SAMD13: variants seen among roughly 807,000 people sequenced by gnomAD.
SAMD13 encodes sterile alpha motif domain-containing protein 13.
In SAMD13, 9 loss-of-function variants were observed where a neutral mutation model predicts 12.4. The observed-to-expected ratio is 0.72, with a 90% CI of 0.44 to 1.26. The LOEUF is 1.26. Ranked by LOEUF, SAMD13 falls within the 50% of genes most tolerant of loss-of-function variation. SAMD13 has a pLI of 0.00. For missense variants in SAMD13, 84 were observed against 119.6 expected (o/e 0.70, Z 1.39); for synonymous variants, 46 against 45.4 (o/e 1.01, Z -0.05).
At chr1:84,299,566 C>T, upstream of SAMD13, 1 of 1,482,996 alleles carries the variant, frequency 6.7e-7, no homozygotes, top group South Asian at 1.4e-5. Context: ...ATCACACTCA[C>T]ATACTTTATG....
chr1:84,347,697 C>A (rs1051491400), intron 3 of SAMD13, among the ~76,000 whole-genome samples: 1 of 152,118 alleles, frequency 6.6e-6, no homozygotes, highest in Non-Finnish European at 1.5e-5. Context: ...CAAGACACAG[C>A]GTGAGCTTTA....
intron 3 of SAMD13, among the ~76,000 whole-genome samples, chr1:84,335,249 A>G (rs1354734894): frequency 2.0e-5 from 3 of 152,194 alleles, no homozygotes; most frequent in African/African-American, 7.2e-5. Context: ...ATATATACTT[A>G]GGATAGTTAC....
chr1:84,322,348 T>G (rs1406853785), intron 2 of SAMD13, among the ~76,000 whole-genome samples: 3 of 152,186 alleles, frequency 2.0e-5, no homozygotes, highest in Admixed American at 6.5e-5. Context: ...AATCCAATCC[T>G]AGCTTTATCT....
At chr1:84,337,009 C>G (rs1679310972) in intron 3 of SAMD13, among the ~76,000 whole-genome samples, 1 of 152,222 alleles carries the variant, frequency 6.6e-6, no homozygotes, top group Non-Finnish European at 1.5e-5. Context: ...GACTCCATGT[C>G]TCAAATCCAG....
chr1:84,347,250 T>G (rs1441191736), intron 3 of SAMD13, among the ~76,000 whole-genome samples: 1 of 152,232 alleles, frequency 6.6e-6, no homozygotes, highest in Non-Finnish European at 1.5e-5. Context: ...AATGTTTGGT[T>G]GTATGTATGA....
intron 3 of SAMD13, among the ~76,000 whole-genome samples, chr1:84,346,009 A>G (rs904763700): frequency 2.6e-5 from 4 of 152,128 alleles, no homozygotes; most frequent in Admixed American, 2.0e-4. Context: ...CAGCTTTTAT[A>G]TGCTTTTTTC....
At chr1:84,325,610 A>G (rs1234557416) in intron 2 of SAMD13, 27 bp from the exon 3 acceptor site, 1 of 1,401,584 alleles carries the variant, frequency 7.1e-7, no homozygotes, top group East Asian at 2.3e-5. Context: ...CACTGCCATG[A>G]CAACTGTCTG....
rs1679045963 is a variant in SAMD13 at position 84,325,760 on chromosome 1, T to A, written c.165+12T>A. The stretch of plus-strand genomic sequence containing the variant: ...CTTTTCAGGAACAGGTAACTTGGTC[T>A]AGAGAAACACGTGATGAACATGTGA... On this transcript the variant is annotated intron_variant, in intron 3 of 3. Transcript: ENST00000394834. 6.6e-7 allele frequency: 1 copy of A among 1,510,110 alleles called. No homozygotes were observed. The highest frequency in any genetic ancestry group is 9.2e-7 in the Non-Finnish European group (1 of 1,085,476). 93.5% of individuals were successfully genotyped at this position (1,510,110 alleles called of 1,614,324 possible). A position where few individuals can be genotyped will look rare whatever the true frequency, so the allele number is the denominator to read the frequency against.
chr1:84,333,106 G>A (rs987630682), intron 3 of SAMD13, among the ~76,000 whole-genome samples: 3 of 152,054 alleles, frequency 2.0e-5, no homozygotes, highest in Non-Finnish European at 2.9e-5. Flanking sequence ...TGCTATTTTG[G>A]TTACTGTAGC....
intron 3 of SAMD13, among the ~76,000 whole-genome samples, chr1:84,340,632 A>G (rs74095555): frequency 0.014 from 2,175 of 152,328 alleles, 52 homozygotes; most frequent in African/African-American, 0.05. Context: ...GTCATGATTC[A>G]ATTTGGTAAA....
intron 2 of SAMD13, 22 bp downstream of exon 2, chr1:84,303,309 G>A (rs757983091): frequency 6.3e-7 from 1 of 1,585,556 alleles, no homozygotes; most frequent in African/African-American, 1.3e-5. Flanking sequence ...TGGCTTCTGA[G>A]TTCTGCTTCT....
intron 1 of SAMD13, 192 bp from the exon 2 acceptor site, chr1:84,303,011 C>A: frequency 2.0e-6 from 1 of 496,592 alleles, no homozygotes; most frequent in East Asian, 3.6e-5. Context: ...GATGAAAGCA[C>A]CCCAATCCGT....
chr1:84,336,894 T>C (rs935870415), intron 3 of SAMD13, among the ~76,000 whole-genome samples: 1 of 152,138 alleles, frequency 6.6e-6, no homozygotes, highest in Non-Finnish European at 1.5e-5. Context: ...AATACAGCCA[T>C]TCCAAATGGG....
intron 3 of SAMD13, among the ~76,000 whole-genome samples, chr1:84,326,389 T>C (rs1017913059): frequency 6.6e-5 from 10 of 152,210 alleles, no homozygotes; most frequent in Non-Finnish European, 1.5e-4. Context: ...TGATAGGTTC[T>C]GGCATAGTGT....
chr1:84,336,895 T>C (rs1244947200), intron 3 of SAMD13, among the ~76,000 whole-genome samples: 1 of 152,078 alleles, frequency 6.6e-6, no homozygotes, highest in Non-Finnish European at 1.5e-5. Flanking sequence ...ATACAGCCAT[T>C]CCAAATGGGA....
upstream of SAMD13, chr1:84,298,680 A>C: frequency 9.7e-7 from 1 of 1,033,976 alleles, no homozygotes. Flanking sequence ...CCTCCCAAAA[A>C]CACATCTTGG....
At chr1:84,332,240 G>A (rs1679208031) in intron 3 of SAMD13, among the ~76,000 whole-genome samples, 1 of 152,100 alleles carries the variant, frequency 6.6e-6, no homozygotes, top group Non-Finnish European at 1.5e-5. Flanking sequence ...ATTCTTTTGG[G>A]AATATACCCA....
chr1:84,329,846 C>T (rs984282579), intron 3 of SAMD13, among the ~76,000 whole-genome samples: 18 of 152,200 alleles, frequency 1.2e-4, no homozygotes, highest in African/African-American at 3.4e-4. Context: ...AGTGATGTCG[C>T]TACTCCTTGG....
At chr1:84,298,611 C>T (rs373542178), upstream of SAMD13, 2 of 1,276,814 alleles carry the variant, frequency 1.6e-6, no homozygotes, top group Non-Finnish European at 9.9e-7. Flanking sequence ...AAGGCGCCCG[C>T]CCTCTCCTCT....
Sources: allele counts gnomAD v4.1 joint callset (sites outside exome capture counted in the v4.1 genomes callset), GRCh38; gene constraint gnomAD v4.1.1; transcripts MANE v1.5; gene names NCBI Gene and HGNC (gene_info 2026-07-23, HGNC 2026-07-21).